RTN3: variants seen among roughly 807,000 people sequenced by gnomAD.
RTN3 encodes the protein reticulon 3.
Under a neutral mutation model 77.8 loss-of-function variants are expected in RTN3, and 49 were observed. The observed-to-expected ratio is 0.63, with a 90% confidence interval of 0.50 to 0.80. RTN3 has a LOEUF of 0.80. Ranked by LOEUF, RTN3 falls within the 30% of genes least tolerant of loss-of-function variation. The pLI, the probability that RTN3 is intolerant of heterozygous loss-of-function variation, is 0.00. For synonymous variants in RTN3, 464 were observed against 446.9 expected (o/e 1.04, Z -0.48); for missense variants, 1,236 against 1,211.9 (o/e 1.02, Z -0.29).
intron 7 of RTN3, among the ~76,000 whole-genome samples, chr11:63,755,651 CAAAAA>C (rs776039864): frequency 5.9e-5 from 1 of 17,064 alleles, no homozygotes; most frequent in Non-Finnish European, 1.0e-4. Context: ...AATTCCATCT[CAAAAA>C]AAAAAAAAAA....
At chr11:63,692,425 A>G (rs954291563) in intron 1 of RTN3, among the ~76,000 whole-genome samples, 5 of 151,760 alleles carry the variant, frequency 3.3e-5, no homozygotes, top group African/African-American at 1.2e-4. Context: ...CTCAATGTTT[A>G]TGTCCCCACC....
In RTN3 at chr11:63,681,526, A is replaced by C. The variant is rs867031238; in HGVS notation, c.-111A>C. 1.7e-6 allele frequency: 2 copies of C among 1,144,276 alleles called. No homozygotes were observed. Among genetic ancestry groups the C allele is most frequent in the African/African-American group, 1.6e-5 (1 of 62,108 alleles). The allele number at this position is 1,144,276 out of a possible 1,614,324, so 70.9% of individuals were successfully genotyped here. ...GTCTGTCGGAGTCTGTCCTCGGAGC[A>C]GGCGGAGTAAAGGGACTTGAGCGAG... is the stretch of plus-strand genomic sequence containing the variant. On this transcript the variant is annotated 5_prime_UTR_variant, in exon 1 of 9. Transcript: ENST00000377819.
chr11:63,692,027 C>G (rs1006800405), intron 1 of RTN3, among the ~76,000 whole-genome samples: 1 of 152,096 alleles, frequency 6.6e-6, no homozygotes, highest in East Asian at 1.9e-4. Flanking sequence ...TCTCACCTGG[C>G]TTCAACCATA....
intron 1 of RTN3, among the ~76,000 whole-genome samples, chr11:63,690,322 C>A (rs916250718): frequency 3.3e-5 from 5 of 152,198 alleles, no homozygotes; most frequent in African/African-American, 9.7e-5. Context: ...CGATATCTTA[C>A]ATTTGTGTAC....
intron 2 of RTN3, among the ~76,000 whole-genome samples, chr11:63,707,746 A>C (rs1025993272): frequency 1.3e-5 from 2 of 152,144 alleles, no homozygotes; most frequent in African/African-American, 2.4e-5. Flanking sequence ...AGGCAGGAGA[A>C]TCACTTGAAC....
chr11:63,735,553 T>C (rs971193351), intron 3 of RTN3, among the ~76,000 whole-genome samples: 1 of 113,898 alleles, frequency 8.8e-6, no homozygotes. Flanking sequence ...CTAACATTTC[T>C]CTCTCTCTCT....
rs541888739 is a variant in RTN3 at position 63,698,154 on chromosome 11, C to G, written c.143-6697C>G. 2.3e-3 allele frequency among the ~76,000 whole-genome samples: 335 copies of G among 148,194 alleles called. 1 individual carries two copies. Among genetic ancestry groups the G allele is most frequent in the African/African-American group, 8.0e-3 (321 of 40,324 alleles). On this transcript the variant is annotated intron_variant, in intron 1 of 8. Transcript: ENST00000377819. ...AGTCTTTTTTTTTTTTTCTTTAAAA[C>G]AGTGTCTCACTCTTGCCCAGGTGCC...
intron 2 of RTN3, chr11:63,713,914 A>G (rs1386420803): frequency 2.2e-6 from 1 of 464,786 alleles, no homozygotes; most frequent in Admixed American, 2.5e-5. Flanking sequence ...TACAGTGTAT[A>G]GTATTTTAAG....
chr11:63,707,569 C>T (rs975891103), intron 2 of RTN3, among the ~76,000 whole-genome samples: 1 of 151,892 alleles, frequency 6.6e-6, no homozygotes, highest in African/African-American at 2.4e-5. Context: ...CGCGGTGGCT[C>T]ACACCTGTAA....
chr11:63,740,831 G>A (rs1186985292), intron 3 of RTN3, among the ~76,000 whole-genome samples: 2 of 152,148 alleles, frequency 1.3e-5, no homozygotes, highest in African/African-American at 4.8e-5. Flanking sequence ...TTGTAGCAGA[G>A]GTTGGCAGTC....
Position 63,720,708 on chromosome 11 carries a change from C to T in RTN3, c.2206C>T (p.Leu736Phe), listed in dbSNP as rs574449790. The T allele has an allele frequency of 2.5e-6, 4 of 1,614,146 alleles. No individual in the cohort carries two copies. The African/African-American group carries it at 5.3e-5, about 22-fold the overall frequency. The change falls in exon 3 of 9, where the codon CTT becomes TTT. Residue 736 changes from leucine (L) to phenylalanine (F), a missense_variant. Transcript: ENST00000377819. ...FPTQGTPVAS[L>F]DLEQEQLTIK... is the part of the protein sequence containing the mutation. Reference sequence around the variant, plus strand: ...TACCCAAGGTACTCCAGTAGCATCTCTTGACTTAGAACAAGAACAGCTCAC... The same window carrying T: ...TACCCAAGGTACTCCAGTAGCATCTTTTGACTTAGAACAAGAACAGCTCAC...
At chr11:63,688,098 A>G (rs1306787121) in intron 1 of RTN3, among the ~76,000 whole-genome samples, 1 of 152,236 alleles carries the variant, frequency 6.6e-6, no homozygotes, top group African/African-American at 2.4e-5. Flanking sequence ...ATGATACATT[A>G]GGAAACCCCT....
At chr11:63,692,847 GT>G (rs1941736866) in intron 1 of RTN3, among the ~76,000 whole-genome samples, 2 of 151,992 alleles carry the variant, frequency 1.3e-5, no homozygotes, top group Non-Finnish European at 2.9e-5. Flanking sequence ...GCAGTTTTAA[GT>G]TATTAAAATA....
At chr11:63,749,362 C>T (rs1416870577) in intron 3 of RTN3, among the ~76,000 whole-genome samples, 3 of 152,130 alleles carry the variant, frequency 2.0e-5, no homozygotes, top group Non-Finnish European at 4.4e-5. Context: ...TTCAGATTAA[C>T]ATTGAGACTG....
chr11:63,716,215 C>G (rs1342651540), intron 2 of RTN3, among the ~76,000 whole-genome samples: 1 of 152,124 alleles, frequency 6.6e-6, no homozygotes. Context: ...TATGGCATTT[C>G]AAAACATTTT....
chr11:63,750,182 G>A lies in RTN3; in HGVS notation c.2722G>A (p.Glu908Lys), dbSNP rs201265477. ...SVIQAVQKSE[E>K]GHPFKAYLDV... ...CATCCAAGCTGTACAGAAGTCAGAA[G>A]AAGGCCATCCATTCAAGTGAGTTGA... The change falls in exon 4 of 9, where the codon GAA becomes AAA. Residue 908 changes from glutamate (E) to lysine (K), a missense_variant. By Grantham distance (56) the Glu-to-Lys change is moderately conservative. Around this residue, in one of 3 missense-constraint regions of RTN3, gnomAD observed 141 missense variants for 154.9 expected, o/e 0.91. Transcript: ENST00000377819. 1 of 1,612,034 alleles carries A rather than the reference G, an allele frequency of 6.2e-7. No individual in the cohort carries two copies. Among genetic ancestry groups the A allele is most frequent in the East Asian group, 2.2e-5 (1 of 44,882 alleles).
intron 2 of RTN3, among the ~76,000 whole-genome samples, chr11:63,716,043 GTGTTT>G (rs1301748594): frequency 6.6e-6 from 1 of 152,192 alleles, no homozygotes; most frequent in Non-Finnish European, 1.5e-5. Context: ...TTTACTTCAA[GTGTTT>G]TGTTTTGGTA....
At chr11:63,683,115 T>C (rs1941154395) in intron 1 of RTN3, among the ~76,000 whole-genome samples, 1 of 152,198 alleles carries the variant, frequency 6.6e-6, no homozygotes, top group African/African-American at 2.4e-5. Flanking sequence ...TTTTCACCTG[T>C]CTGAGAGCTT....
chr11:63,691,223 C>T (rs369023803), intron 1 of RTN3, among the ~76,000 whole-genome samples: 41 of 148,156 alleles, frequency 2.8e-4, no homozygotes, highest in African/African-American at 8.5e-4. Flanking sequence ...TGGATTCAAG[C>T]GATTCTCCTG....
Sources: gnomAD v4.1 joint callset for allele counts (sites outside exome capture counted in the v4.1 genomes callset) on GRCh38, gnomAD v4.1.1 for gene constraint, gnomAD v4.1.1 regional missense constraint, MANE v1.5 for transcripts, NCBI Gene and HGNC (gene_info 2026-07-23, HGNC 2026-07-21) for gene names.